Variants in TAF6 observed in about 807,000 individuals in gnomAD.
TAF6 encodes transcription initiation factor TFIID subunit 6.
TAF6 carries 50 observed loss-of-function variants against 73.5 expected under a neutral mutation model. The ratio of observed to expected loss-of-function variants is 0.68; its 90% CI spans 0.54 to 0.86. TAF6 has a LOEUF of 0.86. Ranked by LOEUF, TAF6 falls within the 40% of genes least tolerant of loss-of-function variation. The pLI is 0.00. For missense variants in TAF6, 768 were observed against 899.5 expected (o/e 0.85, Z 1.87); for synonymous variants, 424 against 376.7 (o/e 1.13, Z -1.45).
At chr7:100,114,977 C>T (rs1325457873) in intron 1 of TAF6, among the ~76,000 whole-genome samples, 1 of 152,194 alleles carries the variant, frequency 6.6e-6, no homozygotes, top group Non-Finnish European at 1.5e-5. Context: ...ACACCTCAGC[C>T]TCCCAAGTAG....
chr7:100,112,759 G>C, intron 6 of TAF6, 39 bp downstream of exon 6: 1 of 1,554,874 alleles, frequency 6.4e-7, no homozygotes, highest in Non-Finnish European at 8.7e-7. Context: ...ATGTGGCTTT[G>C]GGCAAGAGTC....
upstream of TAF6, among the ~76,000 whole-genome samples, chr7:100,123,390 C>T (rs1031973490): frequency 2.0e-5 from 3 of 151,754 alleles, no homozygotes; most frequent in Non-Finnish European, 4.4e-5. Flanking sequence ...CATAATGAGC[C>T]GGGTGGAGTG....
upstream of TAF6, among the ~76,000 whole-genome samples, chr7:100,123,845 A>G (rs1013521715): frequency 5.9e-5 from 9 of 152,120 alleles, no homozygotes; most frequent in Non-Finnish European, 1.0e-4. Flanking sequence ...AAAAAGTAAT[A>G]ATGGGCCAGG....
chr7:100,126,108 C>G, the TAF6 span, among the ~76,000 whole-genome samples: 1 of 152,170 alleles, frequency 6.6e-6, no homozygotes, highest in African/African-American at 2.4e-5. Context: ...ATGGCGGGAA[C>G]CCGGGAGGCG....
At chr7:100,110,842 TGTG>T (rs1797115103) in intron 10 of TAF6, among the ~76,000 whole-genome samples, 1 of 151,134 alleles carries the variant, frequency 6.6e-6, no homozygotes, top group African/African-American at 2.4e-5. Context: ...ATTAGCCAGT[TGTG>T]GTGGCAGGTG....
intron 1 of TAF6, among the ~76,000 whole-genome samples, chr7:100,115,925 C>T (rs1451763763): frequency 1.5e-4 from 23 of 152,144 alleles, no homozygotes; most frequent in Admixed American, 1.4e-3. Context: ...GAGCCAAGAT[C>T]GTGCCACTGG....
chr7:100,108,633 G>A (rs1260121320), intron 12 of TAF6, 93 bp from the exon 13 acceptor site: 10 of 1,410,508 alleles, frequency 7.1e-6, no homozygotes, highest in African/African-American at 5.7e-5. Flanking sequence ...AGAACCTTGG[G>A]GATGGGGTAA....
upstream of TAF6, chr7:100,122,621 A>C: frequency 6.5e-7 from 1 of 1,548,114 alleles, no homozygotes; most frequent in South Asian, 1.2e-5. Flanking sequence ...TCAGATACAA[A>C]GATCTGTATC....
chr7:100,110,865 C>T (rs1797117371), intron 10 of TAF6, among the ~76,000 whole-genome samples: 1 of 151,716 alleles, frequency 6.6e-6, no homozygotes, highest in Admixed American at 6.6e-5. Context: ...GCCTGTAATC[C>T]CAAGTACTCA....
the TAF6 span, chr7:100,124,903 C>A: frequency 3.2e-6 from 5 of 1,570,426 alleles, no homozygotes; most frequent in Non-Finnish European, 4.3e-6. Context: ...TGCCTTTGAG[C>A]CCCCAGGAGG....
At chr7:100,116,032 G>A (rs1797642620) in intron 1 of TAF6, among the ~76,000 whole-genome samples, 1 of 152,066 alleles carries the variant, frequency 6.6e-6, no homozygotes, top group Non-Finnish European at 1.5e-5. Flanking sequence ...CTTGGCCCAG[G>A]TCACCATCAT....
the TAF6 span, chr7:100,125,120 C>A: frequency 4.0e-6 from 2 of 505,666 alleles, no homozygotes; most frequent in Non-Finnish European, 6.9e-6. Flanking sequence ...CTATCCAGCC[C>A]CTTAATTGGC....
chr7:100,127,103 G>A, the TAF6 span: 6 of 452,158 alleles, frequency 1.3e-5, no homozygotes, highest in Non-Finnish European at 2.0e-5. This position sits in a 1 kb window ranked among gnomAD's most constrained non-coding sequence, Gnocchi z 4.6. Flanking sequence ...GAAACATAAA[G>A]GATAGCCTTT....
chr7:100,109,853 G>A, intron 12 of TAF6, 95 bp downstream of exon 12: 2 of 1,541,120 alleles, frequency 1.3e-6, no homozygotes, highest in South Asian at 2.5e-5. Context: ...AAAACATGAG[G>A]CAAAGATGGG....
At chr7:100,111,586 C>T (rs1464049277) in intron 9 of TAF6, 142 bp downstream of exon 9, 2 of 955,064 alleles carry the variant, frequency 2.1e-6, no homozygotes, top group African/African-American at 1.6e-5. Flanking sequence ...TGTCCTCAAA[C>T]TCCTGAGCTC....
Position 100,113,680 on chromosome 7 carries a change from C to G in TAF6, c.333G>C (p.Glu111Asp), listed in dbSNP as rs374236355. The change falls in exon 4 of 15, where the codon GAG becomes GAC. Residue 111 changes from glutamate (E) to aspartate (D), a missense_variant. This residue lies in a region of TAF6 where 269 missense variants were observed against 268.0 expected (regional missense o/e 1.00). Transcript: ENST00000453269. ...GRELYFYEEK[E>D]VDLSDIINTP... The stretch of plus-strand genomic sequence containing the variant: ...TATTGATGATGTCGCTCAGATCAAC[C>G]TCCTTCTCCTCATAGAAGTAAAGCT... The G allele has an allele frequency of 8.7e-6, 14 of 1,614,014 alleles. No individual in the cohort carries two copies. Among genetic ancestry groups the G allele is most frequent in the Non-Finnish European group, 1.2e-5 (14 of 1,180,032 alleles).
At chr7:100,109,844 A>G in intron 12 of TAF6, 104 bp downstream of exon 12, 1 of 1,523,554 alleles carries the variant, frequency 6.6e-7, no homozygotes, top group East Asian at 2.3e-5. Context: ...TGTCCTCTGA[A>G]AACATGAGGC....
chr7:100,113,787 G>C lies in TAF6; in HGVS notation c.244-18C>G. 6.2e-7 allele frequency: 1 copy of C among 1,613,858 alleles called. No homozygotes were observed. The highest frequency in any genetic ancestry group is 1.1e-5 in the South Asian group (1 of 91,062). ...TAGAGTGGCTGTGGCAGGAGAGAGG[G>C]GCATGGGTAAGAAGGGAGCCGGAGG... is the stretch of plus-strand genomic sequence containing the variant. On this transcript the variant is annotated intron_variant, in intron 3 of 14. Coordinates refer to ENST00000453269, the MANE Select transcript of TAF6 (RefSeq NM_139315.3).
At chr7:100,119,392 G>A, upstream of TAF6, 1 of 1,131,024 alleles carries the variant, frequency 8.8e-7, no homozygotes, top group Admixed American at 5.1e-5. Context: ...GAGCCTAAGA[G>A]CAAGTCACTG....
Sources: gnomAD v4.1 joint callset for allele counts (sites outside exome capture counted in the v4.1 genomes callset) on GRCh38, gnomAD v4.1.1 for gene constraint, gnomAD v4.1.1 regional missense constraint, Gnocchi (gnomAD v3.1) non-coding constraint, MANE v1.5 for transcripts, NCBI Gene and HGNC (gene_info 2026-07-23, HGNC 2026-07-21) for gene names.